The following SHROOM3 variants were observed in gnomAD, a reference collection of about 807,000 sequenced individuals.
The protein encoded by SHROOM3 is shroom family member 3, also known as protein Shroom3.
Under a neutral mutation model 138.6 loss-of-function variants are expected in SHROOM3, and 47 were observed. That is an observed-to-expected ratio of 0.34 (90% CI 0.27 to 0.43). SHROOM3 has a LOEUF of 0.43. Among genes scored for constraint, SHROOM3 ranks in the 20% least tolerant of loss-of-function variants. The pLI is 1.00. For missense variants in SHROOM3, 2,491 were observed against 2,596.5 expected, an observed-to-expected ratio of 0.96 and a Z score of 0.88; for synonymous variants, 1,062 against 1,063.3, an observed-to-expected ratio of 1.00 and a Z score of 0.02.
chr4:76,770,083 GA>G (rs1402837871), intron 9 of SHROOM3, among the ~76,000 whole-genome samples: 1 of 152,140 alleles, frequency 6.6e-6, no homozygotes, highest in African/African-American at 2.4e-5. Context: ...AGCACTTTGA[GA>G]AGCTGAGGCT....
chr4:76,600,627 G>A (rs921305163), intron 2 of SHROOM3, among the ~76,000 whole-genome samples: 3 of 152,166 alleles, frequency 2.0e-5, no homozygotes, highest in Non-Finnish European at 4.4e-5. Context: ...CTTGATAAGA[G>A]ACCGGGTGAC....
intron 1 of SHROOM3, among the ~76,000 whole-genome samples, chr4:76,474,305 A>G (rs186142520): frequency 5.4e-4 from 82 of 152,310 alleles, no homozygotes; most frequent in African/African-American, 1.9e-3. Context: ...GAGAGTGACT[A>G]CTAGAGGGTA....
intron 2 of SHROOM3, among the ~76,000 whole-genome samples, chr4:76,631,820 A>G (rs1408890749): frequency 6.6e-6 from 1 of 152,216 alleles, no homozygotes; most frequent in East Asian, 1.9e-4. Flanking sequence ...AAATAGAGTC[A>G]ATGAGGGAAA....
At chr4:76,748,447 C>T (rs541157540) in intron 5 of SHROOM3, among the ~76,000 whole-genome samples, 1 of 152,248 alleles carries the variant, frequency 6.6e-6, no homozygotes, top group East Asian at 1.9e-4. Flanking sequence ...TATATACCCT[C>T]ATTAAAACAA....
intron 1 of SHROOM3, among the ~76,000 whole-genome samples, chr4:76,454,780 T>A (rs1730993280): frequency 6.6e-6 from 1 of 152,232 alleles, no homozygotes; most frequent in Admixed American, 6.5e-5. Context: ...AACAATATTT[T>A]CTTCTAATCC....
chr4:76,559,103 G>T (rs1197138203), intron 2 of SHROOM3: 4 of 152,142 alleles, frequency 2.6e-5, no homozygotes, highest in African/African-American at 9.7e-5. Flanking sequence ...TTCTGCTTCT[G>T]GTGTGGGAAA....
intron 2 of SHROOM3, chr4:76,586,889 T>C (rs1032348233): frequency 6.6e-6 from 1 of 152,238 alleles, no homozygotes; most frequent in Non-Finnish European, 1.5e-5. Context: ...TTATAACTTA[T>C]TTTTAAAGCT....
chr4:76,661,164 C>T (rs1309453562), intron 2 of SHROOM3, among the ~76,000 whole-genome samples: 1 of 151,910 alleles, frequency 6.6e-6, no homozygotes. Flanking sequence ...TTGAGTATTC[C>T]AGTTCCATGA....
intron 2 of SHROOM3, among the ~76,000 whole-genome samples, chr4:76,694,537 A>G (rs898213934): frequency 6.6e-6 from 1 of 152,246 alleles, no homozygotes; most frequent in African/African-American, 2.4e-5. Flanking sequence ...ATATAAAGGC[A>G]ATTGAGTACA....
At chr4:76,457,178 A>G (rs1470734942) in intron 1 of SHROOM3, among the ~76,000 whole-genome samples, 1 of 152,182 alleles carries the variant, frequency 6.6e-6, no homozygotes, top group East Asian at 1.9e-4. Flanking sequence ...GTCAAATTGT[A>G]TTCTCCACTG....
chr4:76,463,997 T>G (rs1731197013), intron 1 of SHROOM3, among the ~76,000 whole-genome samples: 1 of 152,004 alleles, frequency 6.6e-6, no homozygotes, highest in African/African-American at 2.4e-5. Context: ...GGCATCAGAG[T>G]CCCCACACAG....
intron 3 of SHROOM3, among the ~76,000 whole-genome samples, chr4:76,710,952 C>T (rs1382173206): frequency 6.6e-6 from 1 of 152,150 alleles, no homozygotes; most frequent in Non-Finnish European, 1.5e-5. Flanking sequence ...TCAGCATCAG[C>T]ACAACAGTGC....
chr4:76,702,572 C>T (rs954302104), intron 2 of SHROOM3, among the ~76,000 whole-genome samples: 2 of 152,180 alleles, frequency 1.3e-5, no homozygotes, highest in Non-Finnish European at 2.9e-5. Flanking sequence ...TCCTAGGTGA[C>T]AGAGCCAGAA....
At chr4:76,752,490 C>T (rs1233785216) in intron 6 of SHROOM3, among the ~76,000 whole-genome samples, 4 of 149,312 alleles carry the variant, frequency 2.7e-5, no homozygotes, top group Admixed American at 2.7e-4. Flanking sequence ...TTTTTTAAAG[C>T]AAAACAAAAC....
At chr4:76,555,843 G>C (rs1733474219) in intron 2 of SHROOM3, 80 bp downstream of exon 2, 1 of 1,517,396 alleles carries the variant, frequency 6.6e-7, no homozygotes, top group Non-Finnish European at 9.0e-7. Flanking sequence ...TCTGGGAAAA[G>C]AGCTCGGGGT....
intron 2 of SHROOM3, among the ~76,000 whole-genome samples, chr4:76,693,383 T>G (rs900593828): frequency 7.1e-6 from 1 of 141,346 alleles, no homozygotes; most frequent in African/African-American, 2.7e-5. Flanking sequence ...TTTTTTTTTT[T>G]TTTTTTTTTT....
chr4:76,605,852 C>G (rs1734601142), intron 2 of SHROOM3, among the ~76,000 whole-genome samples: 1 of 150,334 alleles, frequency 6.7e-6, no homozygotes, highest in East Asian at 1.9e-4. Context: ...TCTATAACAC[C>G]TTTGATACAG....
chr4:76,744,246 T>G (rs1369839355), intron 5 of SHROOM3, among the ~76,000 whole-genome samples: 1 of 152,254 alleles, frequency 6.6e-6, no homozygotes, highest in Non-Finnish European at 1.5e-5. Flanking sequence ...ATAAAGGGAA[T>G]GCCATATTTA....
At chr4:76,607,560 G>A (rs770441421) in intron 2 of SHROOM3, among the ~76,000 whole-genome samples, 1 of 152,076 alleles carries the variant, frequency 6.6e-6, no homozygotes, top group South Asian at 2.1e-4. Flanking sequence ...AGGGACCTCC[G>A]CATTTTCTAT....
Sources: allele counts gnomAD v4.1 joint callset (sites outside exome capture counted in the v4.1 genomes callset), GRCh38; gene constraint gnomAD v4.1.1; transcripts MANE v1.5; gene names NCBI Gene and HGNC (gene_info 2026-07-23, HGNC 2026-07-21).